PTPRN2: variants seen among roughly 807,000 people sequenced by gnomAD.
PTPRN2 encodes protein tyrosine phosphatase receptor type N2, also known as receptor-type tyrosine-protein phosphatase N2.
In PTPRN2, 74 loss-of-function variants were observed where a neutral mutation model predicts 118.8. The ratio of observed to expected loss-of-function variants is 0.62; its 90% CI spans 0.52 to 0.76. PTPRN2 has a LOEUF of 0.76. Ranked by LOEUF, PTPRN2 falls within the 30% of genes least tolerant of loss-of-function variation. The pLI is 0.00. For missense variants in PTPRN2, 1,481 were observed against 1,394.4 expected (o/e 1.06, Z -0.99); for synonymous variants, 641 against 608.0 (o/e 1.05, Z -0.80).
chr7:157,756,407 G>C (rs1242781), intron 12 of PTPRN2, among the ~76,000 whole-genome samples: 3 of 151,590 alleles, frequency 2.0e-5, no homozygotes, highest in Non-Finnish European at 2.9e-5. Context: ...TGATTCTCCT[G>C]CCTCAGCCTC....
chr7:157,695,037 T>G (rs889703949), intron 12 of PTPRN2, among the ~76,000 whole-genome samples: 4 of 152,112 alleles, frequency 2.6e-5, no homozygotes, highest in Non-Finnish European at 4.4e-5. Context: ...TAAAAATGAT[T>G]TGTTGATCCT....
chr7:157,726,810 A>G (rs1383874954), intron 12 of PTPRN2, among the ~76,000 whole-genome samples: 2 of 152,238 alleles, frequency 1.3e-5, no homozygotes, highest in South Asian at 2.1e-4. Context: ...CAACTACAAT[A>G]ACGATGGAAA....
At chr7:158,562,886 C>G (rs1430845100) in intron 1 of PTPRN2, among the ~76,000 whole-genome samples, 5 of 152,194 alleles carry the variant, frequency 3.3e-5, no homozygotes, top group African/African-American at 4.8e-5. Context: ...AACAACAAAG[C>G]CTTCATCATG....
intron 12 of PTPRN2, among the ~76,000 whole-genome samples, chr7:157,689,424 C>T (rs758582168): frequency 3.3e-5 from 5 of 152,212 alleles, no homozygotes; most frequent in Non-Finnish European, 7.4e-5. Context: ...ACTTGAACCG[C>T]GTCGTCCTCA....
At chr7:157,719,975 A>G (rs995783177) in intron 12 of PTPRN2, among the ~76,000 whole-genome samples, 3 of 147,690 alleles carry the variant, frequency 2.0e-5, no homozygotes, top group Non-Finnish European at 4.5e-5. Context: ...TAAATAAGAC[A>G]TGGTTCCTAT....
intron 21 of PTPRN2, among the ~76,000 whole-genome samples, chr7:157,564,006 C>A (rs1436463105): frequency 3.9e-5 from 6 of 152,250 alleles, no homozygotes; most frequent in Non-Finnish European, 8.8e-5. Context: ...AACTTTCCAT[C>A]TACTACTTGG....
intron 12 of PTPRN2, among the ~76,000 whole-genome samples, chr7:157,774,239 A>T (rs997384100): frequency 6.6e-6 from 1 of 152,222 alleles, no homozygotes. Context: ...TTAAAAAAGA[A>T]ATGTTCCAGG....
At position 158,186,331 on chromosome 7, in the gene PTPRN2, T is replaced by C. The variant is rs1044164804; in HGVS notation, c.549+5996A>G. Among the ~76,000 whole-genome samples the C allele has an allele frequency of 2.6e-5, 4 of 152,162 alleles. No individual in the cohort carries two copies. In the East Asian group the frequency reaches 7.8e-4, roughly 30 times the overall value. Reference sequence around the variant, plus strand: ...AGATTTCTCCTGGGGCTCACTCGTGTTGTTGGGGTGGGAGGGGGATAGTCT... The same window carrying C: ...AGATTTCTCCTGGGGCTCACTCGTGCTGTTGGGGTGGGAGGGGGATAGTCT... On this transcript the variant is annotated intron_variant, in intron 5 of 22. Transcript: ENST00000389418.
At chr7:157,686,775 G>A (rs1163974023) in intron 12 of PTPRN2, among the ~76,000 whole-genome samples, 1 of 152,218 alleles carries the variant, frequency 6.6e-6, no homozygotes, top group Non-Finnish European at 1.5e-5. Context: ...GTGAGGAGGA[G>A]GAGGAGGGAG....
intron 12 of PTPRN2, among the ~76,000 whole-genome samples, chr7:157,822,451 T>C (rs940431077): frequency 3.3e-5 from 5 of 151,884 alleles, no homozygotes; most frequent in African/African-American, 1.2e-4. Context: ...CTATCCATCA[T>C]CCATCTATCC....
At chr7:157,679,934 C>T (rs1039029633) in intron 13 of PTPRN2, among the ~76,000 whole-genome samples, 7 of 152,218 alleles carry the variant, frequency 4.6e-5, no homozygotes, top group South Asian at 4.1e-4. Flanking sequence ...ACCAGTGCCC[C>T]CCAGGATACC....
intron 11 of PTPRN2, among the ~76,000 whole-genome samples, chr7:157,958,352 C>T (rs1031825524): frequency 6.6e-6 from 1 of 152,168 alleles, no homozygotes; most frequent in African/African-American, 2.4e-5. Context: ...ATGAGGAGGC[C>T]TGCTTTCACC....
chr7:158,201,215 C>T (rs1028967696), intron 4 of PTPRN2, among the ~76,000 whole-genome samples: 4 of 151,890 alleles, frequency 2.6e-5, no homozygotes, highest in East Asian at 1.9e-4. Flanking sequence ...AGAAAACGTA[C>T]GTTTACAATG....
At chr7:158,140,113 AAAC>A (rs2150465161) in intron 6 of PTPRN2, among the ~76,000 whole-genome samples, 1 of 152,320 alleles carries the variant, frequency 6.6e-6, no homozygotes, top group Admixed American at 6.5e-5. Context: ...TTTATCTAAA[AAAC>A]AACTGATTGT....
intron 11 of PTPRN2, among the ~76,000 whole-genome samples, chr7:157,900,451 A>C (rs1475245810): frequency 3.3e-5 from 5 of 152,194 alleles, no homozygotes; most frequent in Admixed American, 3.3e-4. Context: ...GTGTCTGTCC[A>C]TCCTTGACCT....
intron 13 of PTPRN2, among the ~76,000 whole-genome samples, chr7:157,662,456 G>C (rs1795935714): frequency 6.6e-6 from 1 of 152,210 alleles, no homozygotes; most frequent in Non-Finnish European, 1.5e-5. Flanking sequence ...GGGCACGAGT[G>C]ACCGCAAGAA....
chr7:158,063,772 C>T (rs895621770), intron 11 of PTPRN2, among the ~76,000 whole-genome samples: 1 of 152,172 alleles, frequency 6.6e-6, no homozygotes, highest in Admixed American at 6.5e-5. Context: ...TGCAAGGGTC[C>T]GTGGCTTTAT....
chr7:158,523,716 AGTG>A (rs1233206189), intron 1 of PTPRN2, among the ~76,000 whole-genome samples: 285 of 99,338 alleles, frequency 2.9e-3, no homozygotes, highest in Non-Finnish European at 3.7e-3. Flanking sequence ...TCTGCCCTGG[AGTG>A]GAGTCTGCCC....
At chr7:158,019,757 G>C (rs978417800) in intron 11 of PTPRN2, among the ~76,000 whole-genome samples, 2 of 151,280 alleles carry the variant, frequency 1.3e-5, no homozygotes, top group Non-Finnish European at 2.9e-5. Context: ...TGCAGGCCTG[G>C]CTGTGCCTGG....
Sources: allele counts gnomAD v4.1 joint callset (sites outside exome capture counted in the v4.1 genomes callset), GRCh38; gene constraint gnomAD v4.1.1; transcripts MANE v1.5; gene names NCBI Gene and HGNC (gene_info 2026-07-23, HGNC 2026-07-21).